DENND5A: variants seen among roughly 807,000 people sequenced by gnomAD.
The protein encoded by DENND5A is DENN domain containing 5A.
In DENND5A, 64 loss-of-function variants were observed where a neutral mutation model predicts 140.3. The observed-to-expected ratio is 0.46, with a 90% CI of 0.37 to 0.56. The LOEUF (loss-of-function observed/expected upper bound fraction) is 0.56. Among genes scored for constraint, DENND5A ranks in the 20% least tolerant of loss-of-function variants. The probability of loss-of-function intolerance (pLI) is 0.00; values close to 1 mark genes in which losing one functional copy is unlikely to be tolerated. For synonymous variants in DENND5A, 605 were observed against 607.7 expected (o/e 1.00, Z 0.07); for missense variants, 1,292 against 1,593.8 (o/e 0.81, Z 3.22).
intron 1 of DENND5A, among the ~76,000 whole-genome samples, chr11:9,264,674 A>G (rs1272618207): frequency 2.0e-5 from 3 of 152,100 alleles, no homozygotes; most frequent in African/African-American, 7.2e-5. Context: ...ATTTTAAACG[A>G]AGTCACTCAA....
At chr11:9,236,140 A>G (rs1346699495) in intron 1 of DENND5A, among the ~76,000 whole-genome samples, 2 of 151,200 alleles carry the variant, frequency 1.3e-5, no homozygotes, top group Non-Finnish European at 3.0e-5. Flanking sequence ...AGAGGATCAC[A>G]TGAGCCCAGG....
chr11:9,255,139 T>G (rs1291358105), intron 1 of DENND5A, among the ~76,000 whole-genome samples: 5 of 152,152 alleles, frequency 3.3e-5, no homozygotes, highest in Non-Finnish European at 5.9e-5. Flanking sequence ...ATATGCAAAT[T>G]AAAACCATGA....
rs535849463 is a variant in DENND5A at position 9,234,981 on chromosome 11, TGGGTTA to T, written c.110-27355_110-27350del. ...GTGTCTTTTACTCCTCTAGCGCCGC[TGGGTTA>T]GGGTCTCCCTGACCCAGCTGGCATC... On this transcript the variant is annotated intron_variant, in intron 1 of 22. Transcript: ENST00000328194. 1.8e-4 allele frequency among the ~76,000 whole-genome samples: 28 copies of T among 152,320 alleles called. 1 individual carries two copies. In the South Asian group the frequency reaches 5.8e-3, roughly 32 times the overall value.
In DENND5A at chr11:9,170,772, C is replaced by T; in HGVS notation, c.1912G>A (p.Ala638Thr). Residue 638 changes from alanine (A) to threonine (T), a missense_variant, in exon 9 of 23, where the codon GCA (alanine) becomes ACA (threonine). By Grantham distance (58) the Ala-to-Thr change is moderately conservative. This residue lies in a region of DENND5A where 199 missense variants were observed against 189.1 expected (regional missense o/e 1.05). Coordinates refer to ENST00000328194, the MANE Select transcript of DENND5A (RefSeq NM_015213.4). ...KCTTVDEAEK[A>T]IELRLAKIDH... ...ATTTTTGCCAGACGCAGCTCAATTG[C>T]TTTCTCTGGATGAGAATACACACAC... 1.2e-6 allele frequency: 2 copies of T among 1,612,458 alleles called. No homozygotes were observed. Among genetic ancestry groups the T allele is most frequent in the South Asian group, 2.2e-5 (2 of 91,038 alleles).
intron 18 of DENND5A, 58 bp downstream of exon 18, chr11:9,144,937 G>T: frequency 2.4e-6 from 3 of 1,259,040 alleles, no homozygotes; most frequent in Non-Finnish European, 2.3e-6. Context: ...CCCAAGCATC[G>T]AAGAGCTCCT....
intron 1 of DENND5A, among the ~76,000 whole-genome samples, chr11:9,210,392 T>C (rs986893904): frequency 1.3e-5 from 2 of 151,750 alleles, no homozygotes; most frequent in Admixed American, 1.3e-4. Context: ...TAGTCAACTA[T>C]GTGTGAGTCT....
At chr11:9,257,672 C>T (rs1328494564) in intron 1 of DENND5A, among the ~76,000 whole-genome samples, 2 of 151,446 alleles carry the variant, frequency 1.3e-5, no homozygotes, top group East Asian at 2.0e-4. Flanking sequence ...TTAGTAGAGA[C>T]AGGGTTTCAC....
chr11:9,226,701 C>T (rs1850544106), intron 1 of DENND5A, among the ~76,000 whole-genome samples: 1 of 152,016 alleles, frequency 6.6e-6, no homozygotes, highest in Non-Finnish European at 1.5e-5. Context: ...CCAAACTGAC[C>T]GATCTAAAGT....
chr11:9,169,667 C>G (rs924843446), intron 10 of DENND5A, among the ~76,000 whole-genome samples, 189 bp downstream of exon 10: 5 of 152,070 alleles, frequency 3.3e-5, no homozygotes, highest in Admixed American at 2.6e-4. Flanking sequence ...GCAAAACATC[C>G]CACATTCTGA....
intron 1 of DENND5A, among the ~76,000 whole-genome samples, chr11:9,213,235 A>G (rs1035304430): frequency 2.0e-5 from 3 of 151,634 alleles, no homozygotes; most frequent in Admixed American, 6.6e-5. Flanking sequence ...CGAACTCTTG[A>G]CCGCAGGCAA....
Position 9,212,320 on chromosome 11 carries a change from C to T in DENND5A, c.110-4688G>A, listed in dbSNP as rs567002263. Among the ~76,000 whole-genome samples, 12 of 152,024 alleles carry T rather than the reference C, an allele frequency of 7.9e-5. No homozygotes were observed. In the South Asian group the frequency reaches 2.5e-3, roughly 32 times the overall value. Reference sequence around the variant, plus strand: ...GTCTAACATAATATAATTGGAGTTCCAGAAGGAAAATAGAAAGAATGAGGC... The same window carrying T: ...GTCTAACATAATATAATTGGAGTTCTAGAAGGAAAATAGAAAGAATGAGGC... On this transcript the variant is annotated intron_variant, in intron 1 of 22. Transcript: ENST00000328194.
intron 1 of DENND5A, among the ~76,000 whole-genome samples, chr11:9,209,674 C>G (rs1478361527): frequency 6.6e-6 from 1 of 152,008 alleles, no homozygotes; most frequent in Non-Finnish European, 1.5e-5. Context: ...GTATGAGGGC[C>G]CTGAAAACAA....
intron 5 of DENND5A, among the ~76,000 whole-genome samples, chr11:9,183,873 T>C (rs889747663): frequency 5.3e-5 from 8 of 152,170 alleles, no homozygotes; most frequent in African/African-American, 1.9e-4. Context: ...ACATAATATA[T>C]TGATCAGTTT....
chr11:9,224,513 T>A (rs1850451397), intron 1 of DENND5A, among the ~76,000 whole-genome samples: 1 of 152,146 alleles, frequency 6.6e-6, no homozygotes, highest in Admixed American at 6.6e-5. Flanking sequence ...AGAATAACCT[T>A]TATACCCTTC....
chr11:9,225,293 T>G (rs980502343), intron 1 of DENND5A, among the ~76,000 whole-genome samples: 1 of 152,312 alleles, frequency 6.6e-6, no homozygotes, highest in African/African-American at 2.4e-5. Context: ...TTTCATCATA[T>G]AGCTTAAATT....
chr11:9,175,651 G>T (rs1380148820), intron 8 of DENND5A: 1 of 152,086 alleles, frequency 6.6e-6, no homozygotes, highest in Non-Finnish European at 1.5e-5. Flanking sequence ...ACAGATCAAT[G>T]AAACAGAACA....
chr11:9,243,831 A>G (rs1851348535), intron 1 of DENND5A, among the ~76,000 whole-genome samples: 1 of 152,190 alleles, frequency 6.6e-6, no homozygotes, highest in African/African-American at 2.4e-5. Context: ...GGTTGCAGTG[A>G]GCCAAGATCA....
intron 12 of DENND5A, among the ~76,000 whole-genome samples, chr11:9,159,424 G>A (rs1364837404): frequency 3.3e-5 from 5 of 151,074 alleles, no homozygotes; most frequent in East Asian, 1.9e-4. Flanking sequence ...GGGTTCAAGC[G>A]ATCCTCCTGC....
At position 9,181,860 on chromosome 11, in the gene DENND5A, C is replaced by G. The variant is rs190599122; in HGVS notation, c.1138-776G>C. On this transcript the variant is annotated intron_variant, in intron 5 of 22. Coordinates refer to ENST00000328194, the MANE Select transcript of DENND5A (RefSeq NM_015213.4). ...ACTCTGTTATGATCTCCCTCTATGACCCTGGATATACCATTCTCTCTTTCT... is the reference window on the plus strand; with the variant it reads ...ACTCTGTTATGATCTCCCTCTATGAGCCTGGATATACCATTCTCTCTTTCT... 8.9e-4 allele frequency among the ~76,000 whole-genome samples: 136 copies of G among 152,236 alleles called. 1 individual carries two copies. Among genetic ancestry groups the G allele is most frequent in the Non-Finnish European group, 8.8e-5 (6 of 68,006 alleles).
Sources: allele counts gnomAD v4.1 joint callset (sites outside exome capture counted in the v4.1 genomes callset), GRCh38; gene constraint gnomAD v4.1.1; regional missense constraint gnomAD v4.1.1; transcripts MANE v1.5; gene names NCBI Gene and HGNC (gene_info 2026-07-23, HGNC 2026-07-21).